Variants in CTNNA2 observed in about 807,000 individuals in gnomAD.
The protein encoded by CTNNA2 is catenin alpha-2.
A neutral mutation model predicts 101.0 loss-of-function variants in CTNNA2; 42 were observed. That is an observed-to-expected ratio of 0.42 (90% CI 0.32 to 0.54). CTNNA2 has a LOEUF of 0.54. CTNNA2 is among the 20% of genes least tolerant of loss of function. The pLI is 0.14. For missense variants in CTNNA2, 871 were observed against 1,223.1 expected (o/e 0.71, Z 4.29); for synonymous variants, 450 against 456.4 (o/e 0.99, Z 0.18).
intron 9 of CTNNA2, among the ~76,000 whole-genome samples, chr2:80,520,384 AAC>A (rs1689441014): frequency 6.6e-6 from 1 of 152,112 alleles, no homozygotes. Context: ...GCCAGCGGGG[AAC>A]ACAGAGAAAT....
chr2:79,431,231 A>G (rs1394711510), intron 4 of CTNNA2, among the ~76,000 whole-genome samples: 1 of 152,176 alleles, frequency 6.6e-6, no homozygotes, highest in Non-Finnish European at 1.5e-5. Flanking sequence ...CCACAGTGTC[A>G]GACACTGTTT....
chr2:79,324,291 T>C (rs1007698638), intron 3 of CTNNA2, among the ~76,000 whole-genome samples: 9 of 151,716 alleles, frequency 5.9e-5, no homozygotes, highest in African/African-American at 2.2e-4. Context: ...GCAAGCAGGG[T>C]GTGGTTAGGT....
At position 80,518,383 on chromosome 2, in the gene CTNNA2, C is replaced by T. The variant is rs558565007; in HGVS notation, c.1291-26599C>T. Among the ~76,000 whole-genome samples the T allele has an allele frequency of 1.9e-4, 29 of 152,288 alleles. 1 individual carries two copies. Among genetic ancestry groups the T allele is most frequent in the Admixed American group, 5.2e-4 (8 of 15,284 alleles). ...ACAGATTTTGGTTATTACACTGGGA[C>T]GTCTCCAACTGTCCAAGAACATTCC... On this transcript the variant is annotated intron_variant, in intron 9 of 18. Transcript: ENST00000402739.
At chr2:79,763,456 G>C (rs947517265) in intron 3 of CTNNA2, among the ~76,000 whole-genome samples, 1 of 151,954 alleles carries the variant, frequency 6.6e-6, no homozygotes, top group Non-Finnish European at 1.5e-5. Flanking sequence ...TTTATGATTT[G>C]TATGTTTTTT....
intron 1 of CTNNA2, among the ~76,000 whole-genome samples, chr2:79,521,107 G>GATAC (rs1672080705): frequency 9.5e-6 from 1 of 105,376 alleles, no homozygotes; most frequent in African/African-American, 3.6e-5. Context: ...CAAAGCTGCT[G>GATAC]ATATATATAT....
chr2:80,018,025 C>T (rs1402176221), intron 7 of CTNNA2, among the ~76,000 whole-genome samples: 1 of 151,926 alleles, frequency 6.6e-6, no homozygotes, highest in African/African-American at 2.4e-5. Flanking sequence ...AAAATTTAAG[C>T]AATTGTTAGT....
At chr2:80,006,369 A>AG (rs982018388) in intron 7 of CTNNA2, among the ~76,000 whole-genome samples, 3 of 151,576 alleles carry the variant, frequency 2.0e-5, no homozygotes, top group East Asian at 1.9e-4. Context: ...TAAAAAAAAA[A>AG]AAAAAGAAAA....
intron 2 of CTNNA2, among the ~76,000 whole-genome samples, chr2:79,671,070 A>G (rs1416750574): frequency 6.6e-6 from 1 of 152,234 alleles, no homozygotes; most frequent in Non-Finnish European, 1.5e-5. Context: ...ACAGACAGGA[A>G]CAGTGAATGC....
At chr2:79,773,718 G>A (rs1048040814) in intron 3 of CTNNA2, among the ~76,000 whole-genome samples, 1 of 152,018 alleles carries the variant, frequency 6.6e-6, no homozygotes, top group African/African-American at 2.4e-5. Context: ...CACCCACTGA[G>A]AGGCCTCATG....
At position 79,190,496 on chromosome 2, in the gene CTNNA2, A is replaced by G. The variant is rs182568069; in HGVS notation, c.-524+5065A>G. Among the ~76,000 whole-genome samples the G allele has an allele frequency of 4.3e-4, 65 of 152,234 alleles. No homozygotes were observed. The East Asian group carries it at 0.011, about 27-fold the overall frequency. On this transcript the variant is annotated intron_variant, in intron 1 of 21. Coordinates refer to the CTNNA2 transcript ENST00000466387. The stretch of plus-strand genomic sequence containing the variant: ...TTCATGATCACCATACTTGGACACA[A>G]TAGGTGGCCAACAAATGTTTTCTTT...
intron 1 of CTNNA2, among the ~76,000 whole-genome samples, chr2:79,605,822 G>A (rs1263318503): frequency 6.6e-6 from 1 of 152,116 alleles, no homozygotes; most frequent in African/African-American, 2.4e-5. Context: ...TCAGAAGGCT[G>A]AGGGGCTGAG....
At chr2:79,639,571 T>G (rs1318807358) in intron 1 of CTNNA2, among the ~76,000 whole-genome samples, 1 of 151,036 alleles carries the variant, frequency 6.6e-6, no homozygotes, top group Non-Finnish European at 1.5e-5. Context: ...TCATTAAAAG[T>G]TTTTTTTTCG....
intron 7 of CTNNA2, among the ~76,000 whole-genome samples, chr2:79,991,545 A>G (rs1258482116): frequency 1.3e-5 from 2 of 152,216 alleles, no homozygotes; most frequent in Admixed American, 6.5e-5. Context: ...AAATGAATCC[A>G]TTGAATATGA....
intron 3 of CTNNA2, among the ~76,000 whole-genome samples, chr2:79,320,208 AT>A (rs1676586559): frequency 6.6e-6 from 1 of 151,306 alleles, no homozygotes; most frequent in African/African-American, 2.4e-5. Flanking sequence ...CATCTCAAGC[AT>A]CTTTGCGGAG....
At chr2:80,431,566 C>T (rs1369772672) in intron 9 of CTNNA2, among the ~76,000 whole-genome samples, 1 of 152,180 alleles carries the variant, frequency 6.6e-6, no homozygotes, top group Non-Finnish European at 1.5e-5. Flanking sequence ...CATGTCATTA[C>T]AGTGGTTTCC....
At chr2:80,123,870 A>G (rs190927777) in intron 7 of CTNNA2, among the ~76,000 whole-genome samples, 10 of 152,170 alleles carry the variant, frequency 6.6e-5, no homozygotes, top group Admixed American at 1.3e-4. Context: ...CCGTCTCTCT[A>G]GTTTAGTAAA....
At chr2:80,480,049 C>G (rs111235353) in intron 9 of CTNNA2, among the ~76,000 whole-genome samples, 4,116 of 152,120 alleles carry the variant, frequency 0.027, 177 homozygotes, top group African/African-American at 0.094. Flanking sequence ...ACTACTTTTC[C>G]TTACATAATT....
chr2:79,398,460 A>C (rs772527069), intron 4 of CTNNA2, among the ~76,000 whole-genome samples: 1 of 152,118 alleles, frequency 6.6e-6, no homozygotes, highest in Non-Finnish European at 1.5e-5. Context: ...TTTATTCAGT[A>C]GGTCTGGGTT....
chr2:79,851,731 C>CT (rs1680725321), intron 3 of CTNNA2, among the ~76,000 whole-genome samples: 2 of 115,590 alleles, frequency 1.7e-5, no homozygotes, highest in African/African-American at 3.3e-5. Flanking sequence ...TCATTTTTTT[C>CT]TTTTCCTTTT....
Sources: allele counts gnomAD v4.1 joint callset (sites outside exome capture counted in the v4.1 genomes callset), GRCh38; gene constraint gnomAD v4.1.1; transcripts MANE v1.5; gene names NCBI Gene and HGNC (gene_info 2026-07-23, HGNC 2026-07-21).